FSTL4: variants seen among roughly 807,000 people sequenced by gnomAD.
The protein encoded by FSTL4 is follistatin like 4.
In FSTL4, 28 loss-of-function variants were observed where a neutral mutation model predicts 78.2. The ratio of observed to expected loss-of-function variants is 0.36; its 90% confidence interval spans 0.27 to 0.49. The LOEUF is 0.49. Among genes scored for constraint, FSTL4 ranks in the 20% least tolerant of loss-of-function variants. The pLI, the probability that FSTL4 is intolerant of heterozygous loss-of-function variation, is 0.98. For missense variants in FSTL4, 922 were observed against 1,084.9 expected (o/e 0.85, Z 2.11); for synonymous variants, 422 against 440.5 (o/e 0.96, Z 0.53).
chr5:133,759,835 G>C, the FSTL4 span, among the ~76,000 whole-genome samples: 2 of 152,212 alleles, frequency 1.3e-5, no homozygotes, highest in African/African-American at 2.4e-5. Context: ...ACATTCTATT[G>C]TAGATGAGAT....
chr5:133,373,673 C>G (rs1169471909), intron 4 of FSTL4, among the ~76,000 whole-genome samples: 1 of 152,176 alleles, frequency 6.6e-6, no homozygotes, highest in Non-Finnish European at 1.5e-5. Flanking sequence ...CCAAACCTAC[C>G]CTCCCTTCTT....
chr5:133,201,979 C>T lies in FSTL4; in HGVS notation c.1780G>A (p.Asp594Asn). ...TTTGTTGGGGGAATGAAGAAATCAT[C>T]CACTCCTGCAAAGGGTGTGCGGATG... ...HLIRTPFAGV[D>N]DFFIPPTNLI... The change falls in exon 15 of 16, where the codon GAT becomes AAT. Residue 594 changes from aspartate to asparagine, a missense_variant. By Grantham distance (23) the Asp-to-Asn change is conservative. Transcript: ENST00000265342. 3 of 1,611,906 alleles carry T rather than the reference C, an allele frequency of 1.9e-6. No homozygotes were observed. The South Asian group carries it at 3.3e-5, about 18-fold the overall frequency.
chr5:133,575,349 T>C (rs1760255131), intron 2 of FSTL4: 1 of 152,220 alleles, frequency 6.6e-6, no homozygotes, highest in Non-Finnish European at 1.5e-5. Context: ...CTGTCACCTT[T>C]GTTGAATTAT....
Position 133,205,242 on chromosome 5 carries a change from G to A in FSTL4, c.1717-3200C>T, listed in dbSNP as rs112968657. 4.8e-3 allele frequency among the ~76,000 whole-genome samples: 735 copies of A among 152,138 alleles called. 10 individuals are homozygous for A. Among genetic ancestry groups the A allele is most frequent in the African/African-American group, 0.017 (692 of 41,486 alleles). Reference sequence around the variant, plus strand: ...TGTCTTTTCAGTATTTATTGAAAACGTCCTACATGTTTTCTCTTTCAATTT... The same window carrying A: ...TGTCTTTTCAGTATTTATTGAAAACATCCTACATGTTTTCTCTTTCAATTT... On this transcript the variant is annotated intron_variant, in intron 14 of 15. Coordinates refer to ENST00000265342, the MANE Select transcript of FSTL4 (RefSeq NM_015082.2).
At chr5:133,263,417 G>A (rs1191641589) in intron 6 of FSTL4, among the ~76,000 whole-genome samples, 2 of 152,108 alleles carry the variant, frequency 1.3e-5, no homozygotes, top group African/African-American at 4.8e-5. Context: ...GTTTAAAGGC[G>A]AGAGGATGGG....
chr5:133,470,055 G>A (rs1236010891), intron 3 of FSTL4, among the ~76,000 whole-genome samples: 5 of 152,162 alleles, frequency 3.3e-5, no homozygotes, highest in African/African-American at 9.7e-5. Context: ...AGGGCATTGC[G>A]TAGGGGCTGC....
the FSTL4 span, among the ~76,000 whole-genome samples, chr5:133,780,174 A>T: frequency 6.6e-6 from 1 of 152,132 alleles, no homozygotes; most frequent in African/African-American, 2.4e-5. Flanking sequence ...CAGTTCCAGC[A>T]ACCTGAGGCC....
chr5:133,810,257 G>A, the FSTL4 span, among the ~76,000 whole-genome samples: 2 of 152,232 alleles, frequency 1.3e-5, no homozygotes, highest in Admixed American at 6.5e-5. Context: ...GGCTGGCCCA[G>A]AACTTCCAGG....
intron 14 of FSTL4, among the ~76,000 whole-genome samples, chr5:133,205,311 C>T (rs145189169): frequency 6.6e-6 from 1 of 152,164 alleles, no homozygotes; most frequent in African/African-American, 2.4e-5. Flanking sequence ...GACAGTGAAC[C>T]ATCGTTGCAT....
At chr5:133,325,798 C>T (rs1315827839) in intron 4 of FSTL4, among the ~76,000 whole-genome samples, 18 of 152,178 alleles carry the variant, frequency 1.2e-4, no homozygotes, top group African/African-American at 4.1e-4. Context: ...GAGAACCCCC[C>T]CAGAGAGGCC....
the FSTL4 span, among the ~76,000 whole-genome samples, chr5:133,626,563 C>A: frequency 1.2e-4 from 18 of 151,104 alleles, no homozygotes; most frequent in East Asian, 1.6e-3. Context: ...CTTTATGTCC[C>A]ATAATTTTTG....
At chr5:133,691,511 C>T in the FSTL4 span, among the ~76,000 whole-genome samples, 286 of 152,202 alleles carry the variant, frequency 1.9e-3, no homozygotes, top group Non-Finnish European at 3.2e-3. Context: ...AACTTGAAGG[C>T]GTGGACCTCC....
chr5:133,337,176 G>A (rs1754482326), intron 4 of FSTL4, among the ~76,000 whole-genome samples: 1 of 152,234 alleles, frequency 6.6e-6, no homozygotes, highest in African/African-American at 2.4e-5. Context: ...ATGGGGCTGT[G>A]GTGGGCAAGC....
chr5:133,457,442 G>T (rs560973899), intron 3 of FSTL4, among the ~76,000 whole-genome samples: 42 of 152,280 alleles, frequency 2.8e-4, no homozygotes, highest in Non-Finnish European at 5.3e-4. Context: ...CCCTTTCCCC[G>T]CACAAACAAA....
At chr5:133,266,017 C>T (rs1305648648) in intron 6 of FSTL4, among the ~76,000 whole-genome samples, 7 of 152,208 alleles carry the variant, frequency 4.6e-5, no homozygotes, top group Admixed American at 6.5e-5. Context: ...TCATGTTGTC[C>T]GCACCCAGGC....
At chr5:133,574,616 CATTCATGTGAGCACCAAA>C (rs1456412373) in intron 2 of FSTL4, among the ~76,000 whole-genome samples, 1 of 152,196 alleles carries the variant, frequency 6.6e-6, no homozygotes, top group African/African-American at 2.4e-5. Context: ...AACAGAAGTA[CATTCATGTGAGCACCAAA>C]ATGCATGTAT....
the FSTL4 span, among the ~76,000 whole-genome samples, chr5:133,710,882 C>A: frequency 6.6e-6 from 1 of 152,244 alleles, no homozygotes; most frequent in Non-Finnish European, 1.5e-5. Context: ...CACCGTGCCA[C>A]CTTTGTCCCA....
the FSTL4 span, among the ~76,000 whole-genome samples, chr5:133,687,022 CACA>C: frequency 6.6e-6 from 1 of 152,106 alleles, no homozygotes; most frequent in African/African-American, 2.4e-5. Context: ...CAAGTGTGCA[CACA>C]ACAAAACATA....
At chr5:133,694,853 G>C in the FSTL4 span, among the ~76,000 whole-genome samples, 4 of 152,190 alleles carry the variant, frequency 2.6e-5, no homozygotes, top group Non-Finnish European at 5.9e-5. Flanking sequence ...AGAGCAGAGA[G>C]AGCAGGAAGC....
Sources: gnomAD v4.1 joint callset for allele counts (sites outside exome capture counted in the v4.1 genomes callset) on GRCh38, gnomAD v4.1.1 for gene constraint, MANE v1.5 for transcripts, NCBI Gene and HGNC (gene_info 2026-07-23, HGNC 2026-07-21) for gene names.